MEDAG: variants seen among roughly 807,000 people sequenced by gnomAD.
MEDAG encodes the protein mesenteric estrogen dependent adipogenesis.
MEDAG carries 25 observed loss-of-function variants against 29.9 expected under a neutral mutation model. That is an observed-to-expected ratio of 0.84 (90% CI 0.61 to 1.17). MEDAG has a LOEUF of 1.17. Among genes scored for constraint, MEDAG ranks in the 50% most tolerant of loss-of-function variants. The pLI, the probability that MEDAG is intolerant of heterozygous loss-of-function variation, is 0.00. For missense variants in MEDAG, 398 were observed against 372.9 expected (o/e 1.07, Z -0.56); for synonymous variants, 158 against 148.2 (o/e 1.07, Z -0.48).
chr13:30,906,364 G>C lies in MEDAG; in HGVS notation c.-152G>C. On this transcript the variant is annotated 5_prime_UTR_variant, in exon 1 of 5. Transcript: ENST00000380482. ...AGACTGGCACCTGAGCGGCCACCGCGTCCCGGCCAGGCGGGCAGACCGACC... is the reference window on the plus strand; with the variant it reads ...AGACTGGCACCTGAGCGGCCACCGCCTCCCGGCCAGGCGGGCAGACCGACC... 1 of 793,552 alleles carries C rather than the reference G, an allele frequency of 1.3e-6. No homozygotes were observed. 49.2% of individuals were successfully genotyped at this position (793,552 alleles called of 1,614,324 possible).
chr13:30,920,440 T>G (rs1346830983), intron 2 of MEDAG, among the ~76,000 whole-genome samples: 1 of 151,810 alleles, frequency 6.6e-6, no homozygotes, highest in East Asian at 1.9e-4. Flanking sequence ...AATACAAAAA[T>G]TAGCCAGGCA....
At chr13:30,916,091 C>T (rs1370124189) in intron 1 of MEDAG, 1 of 152,180 alleles carries the variant, frequency 6.6e-6, no homozygotes, top group Non-Finnish European at 1.5e-5. Context: ...CTCTCAAAAT[C>T]AGGTCTGACA....
chr13:30,922,019 G>GTGACTT, intron 4 of MEDAG, 173 bp downstream of exon 4: 1 of 666,580 alleles, frequency 1.5e-6, no homozygotes, highest in Non-Finnish European at 2.4e-6. Context: ...AACAAATGCA[G>GTGACTT]TGACTTTTCC....
In MEDAG at chr13:30,921,604, A is replaced by G; in HGVS notation, c.545A>G (p.Asn182Ser). Residue 182 changes from asparagine (N) to serine (S), a missense_variant, in exon 4 of 5, where the codon AAT becomes AGT. Physicochemically the swap from Asn to Ser is conservative, Grantham distance 46. Coordinates refer to ENST00000380482, the MANE Select transcript of MEDAG (RefSeq NM_032849.4). ...EAVKNFFPPG[N>S]EVVNGENLSF... ...GTGAAGAATTTCTTCCCCCCAGGAA[A>G]TGAAGTGGTTAATGGAGAAAATTTA... 2 of 1,609,192 alleles carry G rather than the reference A, an allele frequency of 1.2e-6. No individual in the cohort carries two copies. Among genetic ancestry groups the G allele is most frequent in the Non-Finnish European group, 1.7e-6 (2 of 1,178,830 alleles).
At position 30,921,761 on chromosome 13, in the gene MEDAG, G is replaced by A. The variant is rs375543579; in HGVS notation, c.702G>A (p.Thr234=). 1.4e-5 allele frequency: 22 copies of A among 1,613,526 alleles called. No individual in the cohort carries two copies. The highest frequency in any genetic ancestry group is 9.9e-5 in the South Asian group (9 of 90,854). Residue 234 remains threonine (T), a synonymous_variant, in exon 4 of 5, where the codon ACG becomes ACA. Transcript: ENST00000380482. ...GTACAAGTCCAGAAAAGAAGGAGAC[G>A]ATTAAGTTATTTCTGGAAAAAATGA... ...LSSTSPEKKE[T]IKLFLEKMSE...
At chr13:30,917,366 G>T in intron 1 of MEDAG, 37 bp from the exon 2 acceptor site, 1 of 1,184,584 alleles carries the variant, frequency 8.4e-7, no homozygotes, top group East Asian at 2.3e-5. Flanking sequence ...AGATGAAAGG[G>T]TACGTTACAT....
At chr13:30,916,721 G>A (rs1952933019) in intron 1 of MEDAG, 1 of 152,256 alleles carries the variant, frequency 6.6e-6, no homozygotes, top group South Asian at 2.1e-4. Flanking sequence ...AGATGTGAAG[G>A]GCAGGGAAGA....
intron 1 of MEDAG, among the ~76,000 whole-genome samples, chr13:30,913,875 C>T (rs1952903124): frequency 6.6e-6 from 1 of 152,090 alleles, no homozygotes; most frequent in Non-Finnish European, 1.5e-5. Context: ...ACCCTTGTCT[C>T]TACTAAAAAT....
In MEDAG at chr13:30,908,323, G is replaced by T. The variant is rs370007712; in HGVS notation, c.278+1530G>T. Among the ~76,000 whole-genome samples the T allele has an allele frequency of 2.1e-4, 32 of 152,298 alleles. No homozygotes were observed. The South Asian group carries it at 6.2e-3, about 30-fold the overall frequency. On this transcript the variant is annotated intron_variant, in intron 1 of 4. Coordinates refer to ENST00000380482, the MANE Select transcript of MEDAG (RefSeq NM_032849.4). The stretch of plus-strand genomic sequence containing the variant: ...GCAAATACAAAACAACAAATAATAG[G>T]CTATCATTGTATAAGCAATACTGTG...
chr13:30,908,358 T>G (rs1952849248), intron 1 of MEDAG, among the ~76,000 whole-genome samples: 1 of 152,186 alleles, frequency 6.6e-6, no homozygotes, highest in South Asian at 2.1e-4. Flanking sequence ...GAGGGCTTCT[T>G]TTGTACCTGG....
At position 30,917,754 on chromosome 13, in the gene MEDAG, G is replaced by GCAAGAATCTTAAACA. The variant is rs1224896343; in HGVS notation, c.388+242_388+243insCAAGAATCTTAAACA. ...GGTGCTACACACTCTTAAACAACCA[G>GCAAGAATCTTAAACA]ATCTAGCAAGAACTCACCCACTATC... On this transcript the variant is annotated intron_variant, in intron 2 of 4. Coordinates refer to ENST00000380482, the MANE Select transcript of MEDAG (RefSeq NM_032849.4). Among the ~76,000 whole-genome samples the GCAAGAATCTTAAACA allele has an allele frequency of 3.0e-4, 45 of 152,198 alleles. 3 individuals carry two copies. The South Asian group carries it at 6.4e-3, about 22-fold the overall frequency.
At chr13:30,906,834 C>T in intron 1 of MEDAG, 41 bp downstream of exon 1, 2 of 1,418,698 alleles carry the variant, frequency 1.4e-6, no homozygotes, top group Non-Finnish European at 1.8e-6. Context: ...TCGCCTGGTA[C>T]CCGCAGACGC....
intron 3 of MEDAG, 42 bp from the exon 4 acceptor site, chr13:30,921,519 C>T: frequency 2.6e-6 from 4 of 1,544,952 alleles, no homozygotes; most frequent in Non-Finnish European, 2.6e-6. Context: ...CAACAGGATA[C>T]TTATGTCCAT....
chr13:30,908,214 A>T (rs1028824035), intron 1 of MEDAG, among the ~76,000 whole-genome samples: 3 of 152,346 alleles, frequency 2.0e-5, no homozygotes, highest in Middle Eastern at 3.4e-3. Flanking sequence ...CACAAAAGAA[A>T]ATTAAACAAC....
chr13:30,916,248 T>G (rs1278574712), intron 1 of MEDAG: 1 of 152,188 alleles, frequency 6.6e-6, no homozygotes, highest in African/African-American at 2.4e-5. Context: ...TGCTGGCCCC[T>G]CCGAGGGATG....
At position 30,921,606 on chromosome 13, in the gene MEDAG, G is replaced by C; in HGVS notation, c.547G>C (p.Glu183Gln). ...AVKNFFPPGN[E>Q]VVNGENLSFA... ...GAAGAATTTCTTCCCCCCAGGAAAT[G>C]AAGTGGTTAATGGAGAAAATTTAAG... The change falls in exon 4 of 5, where the codon GAA becomes CAA. Residue 183 changes from glutamate (E) to glutamine (Q), a missense_variant. Coordinates refer to ENST00000380482, the MANE Select transcript of MEDAG (RefSeq NM_032849.4). 6.2e-7 allele frequency: 1 copy of C among 1,609,694 alleles called. No individual in the cohort carries two copies. The highest frequency in any genetic ancestry group is 8.5e-7 in the Non-Finnish European group (1 of 1,178,990).
chr13:30,920,931 A>AACC, intron 2 of MEDAG, 83 bp from the exon 3 acceptor site: 1 of 1,068,860 alleles, frequency 9.4e-7, no homozygotes, highest in Non-Finnish European at 1.4e-6. Context: ...AGGAGGTGGG[A>AACC]ACCACTGCAA....
chr13:30,907,115 T>G (rs979856496), intron 1 of MEDAG, among the ~76,000 whole-genome samples: 3 of 152,182 alleles, frequency 2.0e-5, no homozygotes, highest in Non-Finnish European at 4.4e-5. Flanking sequence ...TTCTGGCTCC[T>G]TAACTGGGTC....
intron 1 of MEDAG, among the ~76,000 whole-genome samples, chr13:30,909,484 A>G (rs897263365): frequency 1.3e-5 from 2 of 152,122 alleles, no homozygotes; most frequent in Admixed American, 6.5e-5. Context: ...AAAAGCAGCC[A>G]CCAAGATGGC....
Sources: gnomAD v4.1 joint callset for allele counts (sites outside exome capture counted in the v4.1 genomes callset) on GRCh38, gnomAD v4.1.1 for gene constraint, MANE v1.5 for transcripts, NCBI Gene and HGNC (gene_info 2026-07-23, HGNC 2026-07-21) for gene names.